Variants in GFM2 observed in about 807,000 individuals in gnomAD.
GFM2 encodes the protein GTP dependent ribosome recycling factor mitochondrial 2, also known as ribosome-releasing factor 2, mitochondrial.
GFM2 carries 72 observed loss-of-function variants against 95.4 expected under a neutral mutation model. The observed-to-expected ratio is 0.76, with a 90% CI of 0.62 to 0.92. The LOEUF (loss-of-function observed/expected upper bound fraction) is 0.92, where lower values mean the gene tolerates loss of function less well. GFM2 is among the 40% of genes least tolerant of loss of function. The probability of loss-of-function intolerance (pLI) is 0.00; values close to 1 mark genes in which losing one functional copy is unlikely to be tolerated. For missense variants in GFM2, 825 were observed against 924.1 expected, an observed-to-expected ratio of 0.89 and a Z score of 1.39; for synonymous variants, 276 against 317.5, an observed-to-expected ratio of 0.87 and a Z score of 1.39.
At chr5:74,730,461 A>G (rs891696236) in intron 16 of GFM2, 63 bp from the exon 17 acceptor site, 4 of 1,153,272 alleles carry the variant, frequency 3.5e-6, no homozygotes, top group Non-Finnish European at 4.8e-6. Context: ...AGAATACTAT[A>G]TAAAAGTATG....
At chr5:74,759,129 A>G (rs1360631349) in intron 4 of GFM2, among the ~76,000 whole-genome samples, 183 bp from the exon 5 acceptor site, 1 of 152,218 alleles carries the variant, frequency 6.6e-6, no homozygotes, top group African/African-American at 2.4e-5. Flanking sequence ...CAAAAGGGCT[A>G]ACTACAACCT....
chr5:74,748,932 A>AT (rs1561253931), intron 7 of GFM2, among the ~76,000 whole-genome samples: 11 of 146,220 alleles, frequency 7.5e-5, no homozygotes, highest in East Asian at 1.9e-4. Flanking sequence ...AAAAATAAAA[A>AT]AAATAAAAAA....
At position 74,741,590 on chromosome 5, in the gene GFM2, T is replaced by G. The variant is rs772220948; in HGVS notation, c.869A>C (p.Glu290Ala). The change falls in exon 11 of 21, where the codon GAA becomes GCA. Residue 290 changes from glutamate to alanine, a missense_variant. Coordinates refer to ENST00000296805, the MANE Select transcript of GFM2 (RefSeq NM_032380.5). ...LIEQVADLDD[E>A]FADLVLEEFS... is the part of the protein sequence containing the mutation. ...TTCTTCTAAAACCAAGTCAGCAAAT[T>G]CATCATCCAAATCTGCAACCTATAA... 6.3e-7 allele frequency: 1 copy of G among 1,586,142 alleles called. No homozygotes were observed. Among genetic ancestry groups the G allele is most frequent in the South Asian group, 1.1e-5 (1 of 88,518 alleles).
intron 1 of GFM2, among the ~76,000 whole-genome samples, chr5:74,765,640 C>T (rs555013573): frequency 6.6e-6 from 1 of 152,086 alleles, no homozygotes; most frequent in African/African-American, 2.4e-5. Flanking sequence ...TATACAAATG[C>T]TAGTTACTAT....
At chr5:74,758,290 G>A (rs1351071944) in intron 5 of GFM2, among the ~76,000 whole-genome samples, 1 of 152,134 alleles carries the variant, frequency 6.6e-6, no homozygotes. Flanking sequence ...AATCTGAATT[G>A]CGAAGAACTA....
intron 16 of GFM2, among the ~76,000 whole-genome samples, chr5:74,732,128 ATTTTTTTTTTTT>A (rs533165001): frequency 1.2e-5 from 1 of 85,440 alleles, no homozygotes; most frequent in Admixed American, 1.3e-4. Context: ...CTAATTTTTA[ATTTTTTTTTTTT>A]TTTTTTTTTT....
At chr5:74,759,327 G>T in intron 4 of GFM2, 42 bp downstream of exon 4, 1 of 1,157,272 alleles carries the variant, frequency 8.6e-7, no homozygotes, top group Non-Finnish European at 1.3e-6. Context: ...GTAAATTTTC[G>T]TGACAGTCTA....
In GFM2 at chr5:74,733,105, G is replaced by T. The variant is rs1179696238; in HGVS notation, c.1511-7C>A. 1.3e-6 allele frequency: 2 copies of T among 1,589,500 alleles called. No homozygotes were observed. The highest frequency in any genetic ancestry group is 2.2e-5 in the South Asian group (2 of 90,586). On this transcript the variant is annotated splice_polypyrimidine_tract_variant and splice_region_variant and intron_variant, in intron 15 of 20. Transcript: ENST00000296805. Reference sequence around the variant, plus strand: ...TTCAACGCATGTTCCAAATCTATGGGATAAACAACTGTTATCTTTACATTT... The same window carrying T: ...TTCAACGCATGTTCCAAATCTATGGTATAAACAACTGTTATCTTTACATTT...
At chr5:74,734,460 T>C (rs975490196) in intron 15 of GFM2, among the ~76,000 whole-genome samples, 2 of 152,124 alleles carry the variant, frequency 1.3e-5, no homozygotes, top group East Asian at 1.9e-4. Context: ...CCAGCAACAC[T>C]GGTAATGCCT....
intron 5 of GFM2, among the ~76,000 whole-genome samples, chr5:74,752,234 G>A (rs944645065): frequency 6.6e-6 from 1 of 152,140 alleles, no homozygotes; most frequent in Non-Finnish European, 1.5e-5. Flanking sequence ...TTATTGTGCA[G>A]TAAAATTCTG....
In GFM2 at chr5:74,750,768, T is replaced by C. The variant is rs949065822; in HGVS notation, c.431-101A>G. 6 of 729,460 alleles carry C rather than the reference T, an allele frequency of 8.2e-6. No individual in the cohort carries two copies. The Admixed American group carries it at 9.4e-5, about 11-fold the overall frequency. The allele number at this position is 729,460 out of a possible 1,614,324, so 45.2% of individuals were successfully genotyped here. A position where few individuals can be genotyped will look rare whatever the true frequency, so the allele number is the denominator to read the frequency against. ...TCCTGGGGAGGGGTGTGTGTGTATATATATGTGTATATATATAAAGGTATT... is the reference window on the plus strand; with the variant it reads ...TCCTGGGGAGGGGTGTGTGTGTATACATATGTGTATATATATAAAGGTATT... On this transcript the variant is annotated intron_variant, in intron 6 of 20. Transcript: ENST00000296805.
chr5:74,762,394 CT>C (rs1300635865), intron 2 of GFM2, among the ~76,000 whole-genome samples: 2 of 152,164 alleles, frequency 1.3e-5, no homozygotes, highest in African/African-American at 4.8e-5. Flanking sequence ...CCTTTTCCAT[CT>C]TAACTGAGCT....
chr5:74,721,604 G>A lies in GFM2; in HGVS notation c.*51C>T. 6.3e-7 allele frequency: 1 copy of A among 1,577,776 alleles called. No homozygotes were observed. Among genetic ancestry groups the A allele is most frequent in the South Asian group, 1.2e-5 (1 of 86,480 alleles). On this transcript the variant is annotated 3_prime_UTR_variant, in exon 21 of 21. Coordinates refer to ENST00000296805, the MANE Select transcript of GFM2 (RefSeq NM_032380.5). ...TAAAGCAATAAAAATTGTTCTTACT[G>A]AAAATGAAGTAGCTAGGTGCTCCTG... is the stretch of plus-strand genomic sequence containing the variant.
chr5:74,738,455 TA>T, intron 13 of GFM2, 38 bp from the exon 14 acceptor site: 1 of 1,610,818 alleles, frequency 6.2e-7, no homozygotes, highest in Non-Finnish European at 8.5e-7. Flanking sequence ...AAAGTATTTT[TA>T]AAGAAGTGCA....
chr5:74,760,427 G>A (rs1744219117), intron 3 of GFM2, among the ~76,000 whole-genome samples: 1 of 152,060 alleles, frequency 6.6e-6, no homozygotes, highest in Non-Finnish European at 1.5e-5. Context: ...ACACAGAAAG[G>A]ACATTCAAAA....
chr5:74,753,917 A>C (rs532265648), intron 5 of GFM2, among the ~76,000 whole-genome samples: 1 of 152,166 alleles, frequency 6.6e-6, no homozygotes, highest in African/African-American at 2.4e-5. Context: ...CAGAGTCATC[A>C]GGTTATCTAA....
At chr5:74,746,610 A>G (rs1229261422) in intron 8 of GFM2, among the ~76,000 whole-genome samples, 3 of 152,182 alleles carry the variant, frequency 2.0e-5, no homozygotes, top group Non-Finnish European at 2.9e-5. Flanking sequence ...CATTCTTCAC[A>G]TCGTATGCTA....
intron 17 of GFM2, 82 bp from the exon 18 acceptor site, chr5:74,726,208 A>G: frequency 1.1e-6 from 1 of 918,636 alleles, no homozygotes; most frequent in Non-Finnish European, 1.7e-6. Flanking sequence ...ATTATCATCA[A>G]CAAGCTCAGG....
chr5:74,739,934 G>C (rs1397923599), intron 12 of GFM2, 55 bp downstream of exon 12: 1 of 1,217,482 alleles, frequency 8.2e-7, no homozygotes, highest in Admixed American at 2.9e-5. Context: ...AAAAGTATTT[G>C]CCTACTTGTT....
Sources: gnomAD v4.1 joint callset for allele counts (sites outside exome capture counted in the v4.1 genomes callset) on GRCh38, gnomAD v4.1.1 for gene constraint, MANE v1.5 for transcripts, NCBI Gene and HGNC (gene_info 2026-07-23, HGNC 2026-07-21) for gene names.